Variants in TRPC7 observed in about 807,000 individuals in gnomAD.
TRPC7 encodes transient receptor potential cation channel subfamily C member 7, also known as short transient receptor potential channel 7.
TRPC7 carries 42 observed loss-of-function variants against 90.1 expected under a neutral mutation model. The observed-to-expected ratio is 0.47, with a 90% confidence interval of 0.36 to 0.60. TRPC7 has a LOEUF of 0.60. Ranked by LOEUF, TRPC7 falls within the 20% of genes least tolerant of loss-of-function variation. The pLI, the probability that TRPC7 is intolerant of heterozygous loss-of-function variation, is 0.00. For synonymous variants in TRPC7, 451 were observed against 436.3 expected, an observed-to-expected ratio of 1.03 and a Z score of -0.42; for missense variants, 955 against 1,112.3, an observed-to-expected ratio of 0.86 and a Z score of 2.01.
At chr5:136,351,372 ATG>A (rs1354507866) in intron 2 of TRPC7, among the ~76,000 whole-genome samples, 6 of 152,262 alleles carry the variant, frequency 3.9e-5, no homozygotes, top group Non-Finnish European at 5.9e-5. Context: ...CATTTCCTGC[ATG>A]TTAAGCAGGC....
At chr5:136,343,441 C>T (rs1205062528) in intron 2 of TRPC7, among the ~76,000 whole-genome samples, 1 of 152,122 alleles carries the variant, frequency 6.6e-6, no homozygotes, top group Non-Finnish European at 1.5e-5. Flanking sequence ...GAAATAAGAT[C>T]CTTAATCCAA....
intron 3 of TRPC7, among the ~76,000 whole-genome samples, chr5:136,315,041 G>T (rs1580944226): frequency 6.6e-6 from 1 of 152,184 alleles, no homozygotes; most frequent in African/African-American, 2.4e-5. Flanking sequence ...TATTGAGGAG[G>T]TGGCATGAGT....
chr5:136,294,290 G>A (rs1169750339), intron 3 of TRPC7, among the ~76,000 whole-genome samples: 2 of 152,132 alleles, frequency 1.3e-5, no homozygotes, highest in Non-Finnish European at 2.9e-5. Flanking sequence ...CTGACAAATA[G>A]GATCTAATTA....
chr5:136,267,534 G>C (rs923406203), intron 4 of TRPC7, among the ~76,000 whole-genome samples: 1 of 152,148 alleles, frequency 6.6e-6, no homozygotes, highest in Non-Finnish European at 1.5e-5. Flanking sequence ...TAGACTGTTG[G>C]TTCAACAGAA....
At chr5:136,328,158 G>A (rs1211508841) in intron 2 of TRPC7, among the ~76,000 whole-genome samples, 1 of 152,172 alleles carries the variant, frequency 6.6e-6, no homozygotes, top group Non-Finnish European at 1.5e-5. Context: ...GGTGGTTCAA[G>A]TTTAGTGCAG....
Position 136,246,264 on chromosome 5 carries a change from G to T in TRPC7, c.1844+1207C>A, listed in dbSNP as rs148042921. Among the ~76,000 whole-genome samples, 509 of 152,328 alleles carry T rather than the reference G, an allele frequency of 3.3e-3. 2 individuals carry two copies. The highest frequency in any genetic ancestry group is 0.011 in the African/African-American group (464 of 41,584). Reference sequence around the variant, plus strand: ...AGAGGCACATGATGCTGCAGGACTTGCTGGGTGTCCACACACAAGACCTGG... The same window carrying T: ...AGAGGCACATGATGCTGCAGGACTTTCTGGGTGTCCACACACAAGACCTGG... On this transcript the variant is annotated intron_variant, in intron 7 of 11. Coordinates refer to ENST00000513104, the MANE Select transcript of TRPC7 (RefSeq NM_020389.3).
intron 2 of TRPC7, among the ~76,000 whole-genome samples, chr5:136,318,912 A>C (rs1051723549): frequency 6.6e-6 from 1 of 152,006 alleles, no homozygotes; most frequent in South Asian, 2.1e-4. Context: ...GGTCAATGAA[A>C]TGGTCTCTTG....
At position 136,356,741 on chromosome 5, in the gene TRPC7, C is replaced by G; in HGVS notation, c.647G>C (p.Arg216Pro). Reference sequence around the variant, plus strand: ...TCCTTTGTAGGCGTTCATGCGCGAGCGCGAGTGGCTGAAGGAGTCTTTCCG... The same window carrying G: ...TCCTTTGTAGGCGTTCATGCGCGAGGGCGAGTGGCTGAAGGAGTCTTTCCG... ...KQRKDSFSHS[R>P]SRMNAYKGLA... Residue 216 changes from arginine to proline, a missense_variant, in exon 2 of 12, where the codon CGC becomes CCC. Arg to Pro is a moderately radical substitution (Grantham distance 103, BLOSUM62 -2). Transcript: ENST00000513104. The G allele has an allele frequency of 1.2e-6, 2 of 1,612,322 alleles. No individual in the cohort carries two copies. Among genetic ancestry groups the G allele is most frequent in the Non-Finnish European group, 1.7e-6 (2 of 1,178,980 alleles).
intron 4 of TRPC7, among the ~76,000 whole-genome samples, chr5:136,272,053 A>T (rs1485098463): frequency 1.3e-5 from 2 of 152,262 alleles, no homozygotes; most frequent in Non-Finnish European, 2.9e-5. Flanking sequence ...CTCAACATTT[A>T]CTAGACATTG....
At chr5:136,220,995 T>G (rs1457582866) in intron 10 of TRPC7, among the ~76,000 whole-genome samples, 1 of 150,218 alleles carries the variant, frequency 6.7e-6, no homozygotes, top group Non-Finnish European at 1.5e-5. Flanking sequence ...TCTATTTCTA[T>G]TCTAGAAATA....
At chr5:136,354,955 C>A (rs1760315264) in intron 2 of TRPC7, among the ~76,000 whole-genome samples, 3 of 152,226 alleles carry the variant, frequency 2.0e-5, no homozygotes, top group African/African-American at 4.8e-5. Flanking sequence ...TGAGCCCTCC[C>A]TGAAAAACGT....
At chr5:136,320,625 A>G (rs1198072814) in intron 2 of TRPC7, among the ~76,000 whole-genome samples, 1 of 151,644 alleles carries the variant, frequency 6.6e-6, no homozygotes, top group Non-Finnish European at 1.5e-5. Context: ...CACTACCTAC[A>G]CTATCCTCCA....
chr5:136,223,371 T>C (rs1755521374), intron 10 of TRPC7, among the ~76,000 whole-genome samples: 1 of 152,090 alleles, frequency 6.6e-6, no homozygotes, highest in South Asian at 2.1e-4. Flanking sequence ...CCCAGCACTT[T>C]GGGAGGCCGA....
At chr5:136,357,534 A>T in intron 1 of TRPC7, 149 bp from the exon 2 acceptor site, 1 of 865,532 alleles carries the variant, frequency 1.2e-6, no homozygotes, top group Non-Finnish European at 1.7e-6. Context: ...TTAATCATCA[A>T]GATTCAGACA....
chr5:136,364,811 C>T (rs1470449243), intron 1 of TRPC7, among the ~76,000 whole-genome samples: 1 of 152,156 alleles, frequency 6.6e-6, no homozygotes, highest in Non-Finnish European at 1.5e-5. Context: ...ATGACAATCT[C>T]TTTCTTGCCA....
intron 10 of TRPC7, among the ~76,000 whole-genome samples, chr5:136,220,009 T>TTTTATCAAATTA (rs1755402536): frequency 2.6e-5 from 4 of 152,254 alleles, no homozygotes; most frequent in Non-Finnish European, 4.4e-5. Flanking sequence ...GACGATTTCA[T>TTTTATCAAATTA]GGACATTTAT....
intron 3 of TRPC7, among the ~76,000 whole-genome samples, chr5:136,301,707 T>A (rs1182012680): frequency 1.3e-5 from 2 of 152,198 alleles, no homozygotes; most frequent in Non-Finnish European, 2.9e-5. Context: ...CTATAAGAAC[T>A]AATGATAATC....
At chr5:136,220,100 G>A (rs1580832222) in intron 10 of TRPC7, among the ~76,000 whole-genome samples, 1 of 152,266 alleles carries the variant, frequency 6.6e-6, no homozygotes, top group Non-Finnish European at 1.5e-5. Context: ...TGTAAGCTGA[G>A]GATGTACGTC....
intron 6 of TRPC7, among the ~76,000 whole-genome samples, chr5:136,250,814 T>G (rs1458459706): frequency 6.6e-6 from 1 of 152,120 alleles, no homozygotes; most frequent in African/African-American, 2.4e-5. Context: ...CGAACTAGGA[T>G]TTGAATCCAG....
Sources: allele counts gnomAD v4.1 joint callset (sites outside exome capture counted in the v4.1 genomes callset), GRCh38; gene constraint gnomAD v4.1.1; transcripts MANE v1.5; gene names NCBI Gene and HGNC (gene_info 2026-07-23, HGNC 2026-07-21).